The following HTR2C variants were observed in gnomAD, a reference collection of about 807,000 sequenced individuals.
HTR2C encodes the protein 5-hydroxytryptamine receptor 2C.
HTR2C carries 5 observed loss-of-function variants against 21.0 expected under a neutral mutation model. The observed-to-expected ratio is 0.24, with a 90% CI of 0.12 to 0.50. The LOEUF is 0.50. Among genes scored for constraint, HTR2C ranks in the 20% least tolerant of loss-of-function variants. HTR2C has a pLI of 0.98. For synonymous variants in HTR2C, 150 were observed against 145.3 expected (o/e 1.03, Z -0.23); for missense variants, 271 against 371.2 (o/e 0.73, Z 2.22).
At position 114,834,868 on chromosome X, in the gene HTR2C, G is replaced by A. The variant is rs1188499118; in HGVS notation, c.350-13135G>A. Among the ~76,000 whole-genome samples, 8 of 108,665 alleles carry A rather than the reference G, an allele frequency of 7.4e-5. No individual in the cohort carries two copies. In the South Asian group the frequency reaches 1.6e-3, roughly 22 times the overall value. 94.4% of individuals were successfully genotyped at this position (108,665 alleles called of 115,157 possible). On this transcript the variant is annotated intron_variant, in intron 4 of 5. Coordinates refer to ENST00000276198, the MANE Select transcript of HTR2C (RefSeq NM_000868.4). Reference sequence around the variant, plus strand: ...CCAGTTGTTCCTTTCCATGTTTAGCGCTTCCTTCAGGAGCTCTTTTAGGGC... The same window carrying A: ...CCAGTTGTTCCTTTCCATGTTTAGCACTTCCTTCAGGAGCTCTTTTAGGGC...
At chrX:114,805,902 T>C (rs187180368) in intron 4 of HTR2C, among the ~76,000 whole-genome samples, 953 of 36,338 alleles carry the variant, frequency 0.026, 22 homozygotes, top group African/African-American at 0.088. Flanking sequence ...TATATATACA[T>C]CATATATATA....
intron 1 of HTR2C, among the ~76,000 whole-genome samples, chrX:114,612,244 T>C (rs1556398879): frequency 2.7e-5 from 3 of 111,930 alleles, no homozygotes; most frequent in African/African-American, 9.7e-5. Flanking sequence ...ATATAATAAT[T>C]AACATTTCCT....
At chrX:114,875,663 C>T (rs1271292439) in intron 5 of HTR2C, among the ~76,000 whole-genome samples, 1 of 110,458 alleles carries the variant, frequency 9.1e-6, no homozygotes, top group Non-Finnish European at 1.9e-5. Context: ...GAACCCTGTC[C>T]CCATTATGTA....
At chrX:114,806,991 T>C (rs1402907557) in intron 4 of HTR2C, among the ~76,000 whole-genome samples, 1 of 92,024 alleles carries the variant, frequency 1.1e-5, no homozygotes, top group Non-Finnish European at 2.1e-5. Flanking sequence ...ATATACCACA[T>C]ATATATACCA....
intron 5 of HTR2C, among the ~76,000 whole-genome samples, chrX:114,895,907 T>C (rs1325749774): frequency 9.1e-6 from 1 of 109,403 alleles, no homozygotes; most frequent in South Asian, 4.0e-4. Flanking sequence ...GAGAATCGCT[T>C]GAACCTGGGA....
chrX:114,643,549 G>A (rs1468904935), intron 2 of HTR2C, among the ~76,000 whole-genome samples: 3 of 111,086 alleles, frequency 2.7e-5, no homozygotes, highest in Non-Finnish European at 5.7e-5. Context: ...GGGTGGGAAA[G>A]AGTCTTTGAG....
At chrX:114,825,576 A>T (rs1322155762) in intron 4 of HTR2C, among the ~76,000 whole-genome samples, 1 of 111,492 alleles carries the variant, frequency 9.0e-6, no homozygotes, top group Non-Finnish European at 1.9e-5. Context: ...CTTGAAAAGA[A>T]TGTGTACTTT....
At chrX:114,745,270 T>C (rs782686864) in intron 4 of HTR2C, among the ~76,000 whole-genome samples, 6 of 112,383 alleles carry the variant, frequency 5.3e-5, no homozygotes, top group Non-Finnish European at 1.1e-4. Flanking sequence ...CCAGTTAAAA[T>C]GACTTGTGTC....
chrX:114,816,720 C>T (rs1057235504), intron 4 of HTR2C, among the ~76,000 whole-genome samples: 1 of 109,954 alleles, frequency 9.1e-6, no homozygotes, highest in Non-Finnish European at 1.9e-5. Context: ...GAAGATTAAG[C>T]ATAAAAAAAT....
At chrX:114,728,049 A>G (rs1335758618) in intron 3 of HTR2C, among the ~76,000 whole-genome samples, 2 of 112,427 alleles carry the variant, frequency 1.8e-5, no homozygotes, top group African/African-American at 3.2e-5. Flanking sequence ...CTGCTATGAA[A>G]TTAATTAAAG....
At chrX:114,890,247 A>G (rs782082821) in intron 5 of HTR2C, among the ~76,000 whole-genome samples, 24 of 112,222 alleles carry the variant, frequency 2.1e-4, no homozygotes, top group Non-Finnish European at 3.8e-4. Context: ...AACAAGAAAT[A>G]TAGGAACTTT....
intron 4 of HTR2C, among the ~76,000 whole-genome samples, chrX:114,757,534 A>C (rs1177916220): frequency 8.9e-6 from 1 of 111,752 alleles, no homozygotes; most frequent in Non-Finnish European, 1.9e-5. Context: ...CAGCCAAACA[A>C]GTACCCAAAT....
intron 4 of HTR2C, among the ~76,000 whole-genome samples, chrX:114,805,203 A>AT (rs1454125717): frequency 9.1e-6 from 1 of 109,952 alleles, no homozygotes; most frequent in East Asian, 2.9e-4. Context: ...CTCTGTAGCC[A>AT]TTTTTTCTTG....
intron 2 of HTR2C, among the ~76,000 whole-genome samples, chrX:114,679,002 A>G (rs1372780186): frequency 8.9e-6 from 1 of 111,980 alleles, no homozygotes; most frequent in Non-Finnish European, 1.9e-5. Flanking sequence ...AATACAAAGC[A>G]GAAAAGTAAA....
chrX:114,647,247 C>CA (rs1297980986), intron 2 of HTR2C, among the ~76,000 whole-genome samples: 2 of 111,379 alleles, frequency 1.8e-5, no homozygotes, highest in Non-Finnish European at 3.8e-5. Context: ...GTTCTCCCTA[C>CA]AAAAAAATGA....
intron 4 of HTR2C, among the ~76,000 whole-genome samples, chrX:114,788,193 A>G (rs2070197006): frequency 9.0e-6 from 1 of 110,902 alleles, no homozygotes; most frequent in Non-Finnish European, 1.9e-5. Flanking sequence ...ACAGATTTAG[A>G]CTAACCATAT....
At chrX:114,726,537 T>C (rs1933494216) in intron 2 of HTR2C, among the ~76,000 whole-genome samples, 1 of 112,398 alleles carries the variant, frequency 8.9e-6, no homozygotes, top group South Asian at 3.7e-4. Context: ...TCTTGAGAAG[T>C]TTTTGAAGAA....
At chrX:114,886,796 A>T (rs1449667493) in intron 5 of HTR2C, among the ~76,000 whole-genome samples, 1 of 111,416 alleles carries the variant, frequency 9.0e-6, no homozygotes, top group Non-Finnish European at 1.9e-5. Flanking sequence ...GTCTTTTGTT[A>T]TATTAATCTT....
At chrX:114,636,618 C>A (rs1222574001) in intron 2 of HTR2C, among the ~76,000 whole-genome samples, 1 of 111,746 alleles carries the variant, frequency 8.9e-6, no homozygotes, top group Admixed American at 9.6e-5. Flanking sequence ...ATAGCTCATT[C>A]TTTTATCTTT....
Sources: allele counts gnomAD v4.1 joint callset (sites outside exome capture counted in the v4.1 genomes callset), GRCh38; gene constraint gnomAD v4.1.1; transcripts MANE v1.5; gene names NCBI Gene and HGNC (gene_info 2026-07-23, HGNC 2026-07-21).